Variants in HOMEZ observed in about 807,000 individuals in gnomAD.
The protein encoded by HOMEZ is homeobox and leucine zipper encoding.
Under a neutral mutation model 50.1 loss-of-function variants are expected in HOMEZ, and 20 were observed. That is an observed-to-expected ratio of 0.40 (90% CI 0.28 to 0.58). The LOEUF is 0.58. Among genes scored for constraint, HOMEZ ranks in the 20% least tolerant of loss-of-function variants. The probability of loss-of-function intolerance (pLI) is 0.46; values close to 1 mark genes in which losing one functional copy is unlikely to be tolerated. For synonymous variants in HOMEZ, 239 were observed against 254.7 expected, an observed-to-expected ratio of 0.94 and a Z score of 0.59; for missense variants, 579 against 680.5, an observed-to-expected ratio of 0.85 and a Z score of 1.66.
chr14:23,276,926 G>A lies in HOMEZ; in HGVS notation c.302C>T (p.Thr101Ile). ...GCGGAGGCGCTGGGCCATAAACCAA[G>A]TCTTGACTTTCTCCATCTGCAACCC... Reference protein sequence around the residue: ...RYGLQMEKVKTWFMAQRLRCG... With the variant: ...RYGLQMEKVKIWFMAQRLRCG... The change falls in exon 2 of 2, where the codon ACT becomes ATT. Residue 101 changes from threonine to isoleucine, a missense_variant. Thr to Ile is a moderately conservative substitution (Grantham distance 89). Transcript: ENST00000357460. The surrounding 1 kb of genome is among the most constrained non-coding windows in gnomAD (Gnocchi z 4.1). The A allele has an allele frequency of 1.9e-6, 3 of 1,614,060 alleles. No individual in the cohort carries two copies. The highest frequency in any genetic ancestry group is 1.6e-4 in the Middle Eastern group (1 of 6,062).
At position 23,276,254 on chromosome 14, in the gene HOMEZ, G is replaced by A. The variant is rs1187862477; in HGVS notation, c.974C>T (p.Pro325Leu). Reference protein sequence around the residue: ...SVSPSEQALPPHLEPAWPQGL... With the variant: ...SVSPSEQALPLHLEPAWPQGL... Reference sequence around the variant, plus strand: ...TTGGGGCCAGGCTGGTTCCAGATGTGGGGGTAATGCCTGTTCACTGGGTGA... The same window carrying A: ...TTGGGGCCAGGCTGGTTCCAGATGTAGGGGTAATGCCTGTTCACTGGGTGA... The change falls in exon 2 of 2, where the codon CCA becomes CTA. Residue 325 changes from proline to leucine, a missense_variant. Physicochemically the swap from Pro to Leu is moderately conservative, Grantham distance 98. Coordinates refer to ENST00000357460, the MANE Select transcript of HOMEZ (RefSeq NM_020834.3). The surrounding 1 kb of genome is among the most constrained non-coding windows in gnomAD (Gnocchi z 4.1). 6.2e-7 allele frequency: 1 copy of A among 1,613,974 alleles called. No homozygotes were observed. The highest frequency in any genetic ancestry group is 8.5e-7 in the Non-Finnish European group (1 of 1,179,884).
Position 23,286,112 on chromosome 14 carries a change from C to G in HOMEZ, c.-160G>C. The G allele has an allele frequency of 8.1e-7, 1 of 1,229,748 alleles. No homozygotes were observed. The highest frequency in any genetic ancestry group is 1.0e-6 in the Non-Finnish European group (1 of 986,800). 76.2% of individuals were successfully genotyped at this position (1,229,748 alleles called of 1,614,324 possible). ...GCCGGTCTACCCAGCCCTGCTCGAG[C>G]AAGTTGGAGGCGGGGCGGATGGGTG... On this transcript the variant is annotated 5_prime_UTR_variant, in exon 1 of 2. Transcript: ENST00000357460.
Position 23,274,245 on chromosome 14 carries a change from C to T in HOMEZ, c.*1330G>A, listed in dbSNP as rs1886283457. 1 of 152,576 alleles carries T rather than the reference C, an allele frequency of 6.6e-6. No individual in the cohort carries two copies. The highest frequency in any genetic ancestry group is 2.1e-4 in the South Asian group (1 of 4,826). The allele number at this position is 152,576 out of a possible 1,614,324, so 9.5% of individuals were successfully genotyped here. On this transcript the variant is annotated 3_prime_UTR_variant, in exon 2 of 2. Transcript: ENST00000357460. ...CCTCTGTCCCTAAGACAGATCCTAT[C>T]AAGAGAGGGAAAAGTCTCTTTTCTG...
chr14:23,280,725 ATTTTATT>A (rs1308979212), intron 1 of HOMEZ, among the ~76,000 whole-genome samples: 1 of 68,750 alleles, frequency 1.5e-5, no homozygotes, highest in Non-Finnish European at 2.9e-5. Context: ...ATTTTATTTT[ATTTTATT>A]TTATTTTATT....
intron 1 of HOMEZ, 78 bp downstream of exon 1, chr14:23,285,835 G>C: frequency 3.7e-6 from 3 of 809,496 alleles, no homozygotes; most frequent in Non-Finnish European, 5.1e-6. Flanking sequence ...CCCCCCACCA[G>C]CGCGGGGATG....
In HOMEZ at chr14:23,273,097, G is replaced by T; in HGVS notation, c.*2478C>A. On this transcript the variant is annotated 3_prime_UTR_variant, in exon 2 of 2. Coordinates refer to ENST00000357460, the MANE Select transcript of HOMEZ (RefSeq NM_020834.3). Reference sequence around the variant, plus strand: ...GTCTTACAAAAGGCTAGTGCTTCAGGAAGATGTTTATATCTCTTCCAGAAG... The same window carrying T: ...GTCTTACAAAAGGCTAGTGCTTCAGTAAGATGTTTATATCTCTTCCAGAAG... 2.5e-6 allele frequency: 1 copy of T among 404,170 alleles called. No individual in the cohort carries two copies. The allele number at this position is 404,170 out of a possible 1,614,324, so 25.0% of individuals were successfully genotyped here.
intron 1 of HOMEZ, 154 bp downstream of exon 1, chr14:23,285,759 G>A (rs1254955363): frequency 2.3e-6 from 1 of 434,042 alleles, no homozygotes; most frequent in African/African-American, 2.0e-5. Context: ...GTTACAACAG[G>A]GGAGGGAACC....
At chr14:23,280,777 T>TATTTTA (rs1886533529) in intron 1 of HOMEZ, among the ~76,000 whole-genome samples, 2 of 134,628 alleles carry the variant, frequency 1.5e-5, no homozygotes, top group Non-Finnish European at 3.1e-5. Context: ...TATTTTATTT[T>TATTTTA]ATTTTATTTT....
At chr14:23,280,740 A>ATC (rs1555323621) in intron 1 of HOMEZ, among the ~76,000 whole-genome samples, 6 of 41,264 alleles carry the variant, frequency 1.5e-4, no homozygotes, top group Admixed American at 1.1e-3. Flanking sequence ...ATTTTATTTT[A>ATC]TTATTTTATT....
chr14:23,275,848 T>C lies in HOMEZ; in HGVS notation c.1380A>G (p.Pro460=), dbSNP rs763763049. The change falls in exon 2 of 2, where the codon CCA becomes CCG. Residue 460 remains proline (P), a synonymous_variant. Coordinates refer to ENST00000357460, the MANE Select transcript of HOMEZ (RefSeq NM_020834.3). ...ETPPLPIPPP[P]PDIQPLERYW... ...ACCTCTCCAAGGGTTGTATATCCGGTGGGGGTGGAGGGATCGGCAGAGGTG... is the reference window on the plus strand; with the variant it reads ...ACCTCTCCAAGGGTTGTATATCCGGCGGGGGTGGAGGGATCGGCAGAGGTG... The C allele has an allele frequency of 6.3e-7, 1 of 1,598,536 alleles. No homozygotes were observed. The highest frequency in any genetic ancestry group is 1.1e-5 in the South Asian group (1 of 88,364).
At position 23,276,081 on chromosome 14, in the gene HOMEZ, G is replaced by A. The variant is rs750616176; in HGVS notation, c.1147C>T (p.Arg383Cys). The A allele has an allele frequency of 5.6e-6, 9 of 1,614,002 alleles. No homozygotes were observed. Among genetic ancestry groups the A allele is most frequent in the East Asian group, 2.2e-5 (1 of 44,888 alleles). The change falls in exon 2 of 2, where the codon CGT becomes TGT. Residue 383 changes from arginine to cysteine, a missense_variant. Arg to Cys is a radical substitution (Grantham distance 180). Coordinates refer to ENST00000357460, the MANE Select transcript of HOMEZ (RefSeq NM_020834.3). The surrounding 1 kb of genome is among the most constrained non-coding windows in gnomAD (Gnocchi z 4.1). ...TGTTCTAACTTTTGGTAATCCTCAC[G>A]CCGTGCCCACTGGCACTGTAAAAAA... ...SFFLQCQWAR[R>C]EDYQKLEQIT...
Position 23,272,550 on chromosome 14 carries a change from G to C in HOMEZ, c.*3025C>G. On this transcript the variant is annotated 3_prime_UTR_variant, in exon 2 of 2. Transcript: ENST00000357460. ...CTGGTAGTCATCTCTGGGTGTGGTAGTCATATGTCCCAGATTTTCCAAAAT... is the reference window on the plus strand; with the variant it reads ...CTGGTAGTCATCTCTGGGTGTGGTACTCATATGTCCCAGATTTTCCAAAAT... 1 of 437,534 alleles carries C rather than the reference G, an allele frequency of 2.3e-6. No homozygotes were observed. The highest frequency in any genetic ancestry group is 2.1e-5 in the African/African-American group (1 of 47,928). The allele number at this position is 437,534 out of a possible 1,614,324, so 27.1% of individuals were successfully genotyped here. A position where few individuals can be genotyped will look rare whatever the true frequency, so the allele number is the denominator to read the frequency against.
chr14:23,276,110 G>A lies in HOMEZ; in HGVS notation c.1118C>T (p.Ser373Phe). Reference protein sequence around the residue: ...KTKEQLAILKSFFLQCQWARR... With the variant: ...KTKEQLAILKFFFLQCQWARR... The stretch of plus-strand genomic sequence containing the variant: ...TGCCCACTGGCACTGTAAAAAAAAG[G>A]ATTTAAGGATAGCCAGCTGCTCTTT... The change falls in exon 2 of 2, where the codon TCC (serine) becomes TTC (phenylalanine). Residue 373 changes from serine to phenylalanine, a missense_variant. Ser to Phe is a radical substitution (Grantham distance 155, BLOSUM62 -2). Transcript: ENST00000357460. This position sits in a 1 kb window ranked among gnomAD's most constrained non-coding sequence, Gnocchi z 4.1. 1 of 1,614,002 alleles carries A rather than the reference G, an allele frequency of 6.2e-7. No individual in the cohort carries two copies. Among genetic ancestry groups the A allele is most frequent in the Non-Finnish European group, 8.5e-7 (1 of 1,179,888 alleles).
rs769519576 is a variant in HOMEZ, at chr14:23,277,055, G to T, written c.173C>A (p.Ala58Glu). 8.7e-6 allele frequency: 14 copies of T among 1,614,044 alleles called. No individual in the cohort carries two copies. The South Asian group carries it at 1.4e-4, about 16-fold the overall frequency. ...SEELQLVWTQ[A>E]AQTSELDSNE... ...GCTGTCTAGCTCACTGGTCTGGGCT[G>T]CTTGCGTCCACACAAGCTGTAGCTC... The change falls in exon 2 of 2, where the codon GCA (alanine) becomes GAA (glutamate). Residue 58 changes from alanine (A) to glutamate (E), a missense_variant. Coordinates refer to ENST00000357460, the MANE Select transcript of HOMEZ (RefSeq NM_020834.3).
chr14:23,280,659 C>T (rs1886469822), intron 1 of HOMEZ, among the ~76,000 whole-genome samples: 1 of 150,614 alleles, frequency 6.6e-6, no homozygotes, highest in African/African-American at 2.4e-5. Flanking sequence ...TCACCCTTTA[C>T]TCTTAGGGGA....
chr14:23,277,131 C>G lies in HOMEZ; in HGVS notation c.97G>C (p.Gly33Arg), dbSNP rs565379852. ...GTMPPNKEAS[G>R]LSSSPAGLIC... is the part of the protein sequence containing the mutation. ...AGCCCCGCTGGTGAACTACTGAGAC[C>G]GCTGGCCTCTTTATTAGGAGGCATG... Residue 33 changes from glycine (G) to arginine (R), a missense_variant, in exon 2 of 2, where the codon GGT becomes CGT. Transcript: ENST00000357460. 4 of 1,612,446 alleles carry G rather than the reference C, an allele frequency of 2.5e-6. No individual in the cohort carries two copies. Among genetic ancestry groups the G allele is most frequent in the Non-Finnish European group, 2.5e-6 (3 of 1,179,226 alleles).
rs1370339679 is a variant in HOMEZ at position 23,276,473 on chromosome 14, G to A, written c.755C>T (p.Thr252Ile). 2 of 1,614,050 alleles carry A rather than the reference G, an allele frequency of 1.2e-6. No homozygotes were observed. The highest frequency in any genetic ancestry group is 1.7e-5 in the Admixed American group (1 of 60,030). The change falls in exon 2 of 2, where the codon ACA (threonine) becomes ATA (isoleucine). Residue 252 changes from threonine to isoleucine, a missense_variant. Transcript: ENST00000357460. This position sits in a 1 kb window ranked among gnomAD's most constrained non-coding sequence, Gnocchi z 4.1. The stretch of plus-strand genomic sequence containing the variant: ...CCGAGCTTGTGGCTGGGGGACGGTT[G>A]TGGAGTGGTTCCAGGAAGCAGTACC... ...GIGTASWNHS[T>I]TVPQPQARDK... is the part of the protein sequence containing the mutation.
Position 23,276,180 on chromosome 14 carries a change from G to A in HOMEZ, c.1048C>T (p.Leu350Phe), listed in dbSNP as rs758665625. 3 of 1,613,832 alleles carry A rather than the reference G, an allele frequency of 1.9e-6. No homozygotes were observed. The highest frequency in any genetic ancestry group is 2.7e-5 in the African/African-American group (2 of 74,940). The change falls in exon 2 of 2, where the codon CTT (leucine) becomes TTT (phenylalanine). Residue 350 changes from leucine (L) to phenylalanine (F), a missense_variant. Coordinates refer to ENST00000357460, the MANE Select transcript of HOMEZ (RefSeq NM_020834.3). This position sits in a 1 kb window ranked among gnomAD's most constrained non-coding sequence, Gnocchi z 4.1. ...VPGRVGPTEYLSPDMQRQRKT... is the reference protein window; with the variant it reads ...VPGRVGPTEYFSPDMQRQRKT... The stretch of plus-strand genomic sequence containing the variant: ...CGCTGGCGTTGCATATCTGGGGAAA[G>A]GTACTCTGTGGGGCCAACTCTACCT...
At position 23,277,173 on chromosome 14, in the gene HOMEZ, G is replaced by GCACA. The variant is rs1004684740; in HGVS notation, c.54_55insTGTG (p.His19CysfsTer11). The GCACA allele has an allele frequency of 3.2e-6, 5 of 1,579,220 alleles. No individual in the cohort carries two copies. The African/African-American group carries it at 6.7e-5, about 21-fold the overall frequency. On this transcript the variant is annotated frameshift_variant, in exon 2 of 2. Transcript: ENST00000357460. LOFTEE classifies it high-confidence loss of function. The stretch of plus-strand genomic sequence containing the variant: ...GGAGGCATGGTGCCTTCTGATTTGT[G>GCACA]CCCTTCAGAGATAGCTGCAATAAGA...
Sources: allele counts gnomAD v4.1 joint callset (sites outside exome capture counted in the v4.1 genomes callset), GRCh38; gene constraint gnomAD v4.1.1; non-coding constraint Gnocchi (gnomAD v3.1); transcripts MANE v1.5; gene names NCBI Gene and HGNC (gene_info 2026-07-23, HGNC 2026-07-21).